The following RAD54L2 variants were observed in gnomAD, a reference collection of about 807,000 sequenced individuals.
The protein encoded by RAD54L2 is RAD54 like 2.
A neutral mutation model predicts 138.4 loss-of-function variants in RAD54L2; 27 were observed. The observed-to-expected ratio is 0.20, with a 90% CI of 0.14 to 0.27. The LOEUF is 0.27. Ranked by LOEUF, RAD54L2 falls within the 10% of genes least tolerant of loss-of-function variation. The probability of loss-of-function intolerance (pLI) is 1.00; values close to 1 mark genes in which losing one functional copy is unlikely to be tolerated. For synonymous variants in RAD54L2, 644 were observed against 723.2 expected (o/e 0.89, Z 1.76); for missense variants, 1,396 against 1,890.2 (o/e 0.74, Z 4.85).
At chr3:51,548,811 A>G (rs1341243941) in intron 2 of RAD54L2, among the ~76,000 whole-genome samples, 2 of 147,734 alleles carry the variant, frequency 1.4e-5, no homozygotes, top group South Asian at 2.1e-4. Context: ...ATAGCAGCCC[A>G]GTAACTCTGC....
intron 2 of RAD54L2, among the ~76,000 whole-genome samples, chr3:51,544,606 CTTGA>C (rs1400030893): frequency 6.6e-6 from 1 of 152,026 alleles, no homozygotes; most frequent in African/African-American, 2.4e-5. Flanking sequence ...TGGGTAATGA[CTTGA>C]TTGATTGATT....
intron 3 of RAD54L2, among the ~76,000 whole-genome samples, chr3:51,594,839 G>A (rs1033617083): frequency 5.0e-5 from 7 of 139,780 alleles, no homozygotes; most frequent in African/African-American, 1.3e-4. Flanking sequence ...TGTTTTATAG[G>A]CAACATGGAA....
At chr3:51,574,659 T>A (rs1699422955) in intron 2 of RAD54L2, among the ~76,000 whole-genome samples, 1 of 152,268 alleles carries the variant, frequency 6.6e-6, no homozygotes, top group Non-Finnish European at 1.5e-5. Context: ...GAGAAGTATC[T>A]GTTCATATCC....
chr3:51,644,022 T>TG, intron 16 of RAD54L2, 48 bp downstream of exon 16: 2 of 1,455,126 alleles, frequency 1.4e-6, no homozygotes, highest in Non-Finnish European at 1.9e-6. Flanking sequence ...TTCAGGCAGT[T>TG]GGCCACCTGG....
At chr3:51,652,098 A>G (rs909733363) in intron 19 of RAD54L2, among the ~76,000 whole-genome samples, 8 of 152,246 alleles carry the variant, frequency 5.3e-5, no homozygotes, top group African/African-American at 1.9e-4. Flanking sequence ...GTCTCAGGGT[A>G]CAATATCAGT....
intron 3 of RAD54L2, among the ~76,000 whole-genome samples, chr3:51,616,283 AC>A (rs1197876199): frequency 6.6e-6 from 1 of 152,028 alleles, no homozygotes; most frequent in Non-Finnish European, 1.5e-5. Context: ...TCTCTTCCCT[AC>A]CCTTCCAACT....
chr3:51,557,180 CTTTTTT>C (rs58428110), intron 2 of RAD54L2, among the ~76,000 whole-genome samples: 7 of 113,342 alleles, frequency 6.2e-5, no homozygotes, highest in Admixed American at 2.1e-4. Context: ...TTGTTGTTGG[CTTTTTT>C]TTTTTTTTTT....
At chr3:51,644,920 C>A in intron 16 of RAD54L2, 104 bp from the exon 17 acceptor site, 2 of 1,147,340 alleles carry the variant, frequency 1.7e-6, no homozygotes, top group South Asian at 1.3e-5. Context: ...GTACTTAGGG[C>A]TTAGGACAGA....
intron 2 of RAD54L2, among the ~76,000 whole-genome samples, chr3:51,564,608 A>G (rs538287861): frequency 1.6e-4 from 25 of 152,268 alleles, no homozygotes; most frequent in African/African-American, 3.1e-4. Context: ...TGGCTTAACT[A>G]TATAGCCTGT....
chr3:51,629,225 C>A, intron 4 of RAD54L2, 109 bp from the exon 5 acceptor site: 1 of 1,261,952 alleles, frequency 7.9e-7, no homozygotes, highest in Non-Finnish European at 1.1e-6. Flanking sequence ...GCTTCTCCTT[C>A]TCCCGCCTCG....
chr3:51,633,430 G>A (rs557149277), intron 7 of RAD54L2, 147 bp from the exon 8 acceptor site: 16 of 756,708 alleles, frequency 2.1e-5, no homozygotes, highest in Non-Finnish European at 3.2e-5. Flanking sequence ...ATCAGTCAAG[G>A]TACAGGGAAT....
chr3:51,554,906 G>A (rs1171452092), intron 2 of RAD54L2, among the ~76,000 whole-genome samples: 1 of 151,768 alleles, frequency 6.6e-6, no homozygotes, highest in Non-Finnish European at 1.5e-5. Context: ...GCAGTGGTGC[G>A]ACCTCTGCTT....
intron 2 of RAD54L2, among the ~76,000 whole-genome samples, chr3:51,543,471 A>G (rs1478316085): frequency 6.6e-6 from 1 of 152,070 alleles, no homozygotes; most frequent in African/African-American, 2.4e-5. Context: ...AGCCAGGCAT[A>G]GTGGCGCATG....
chr3:51,639,157 CT>C (rs1243135226), intron 12 of RAD54L2: 11 of 484,248 alleles, frequency 2.3e-5, no homozygotes, highest in Admixed American at 7.3e-5. Flanking sequence ...CTTGTGACAG[CT>C]TTTTTGATTA....
At chr3:51,640,439 G>T (rs943111067) in intron 14 of RAD54L2, among the ~76,000 whole-genome samples, 1 of 152,176 alleles carries the variant, frequency 6.6e-6, no homozygotes, top group Non-Finnish European at 1.5e-5. Context: ...TGTCTTTAAA[G>T]CCAAATAAGT....
rs548324671 is a variant in RAD54L2, at chr3:51,635,636, G to A, written c.1186G>A (p.Glu396Lys). 6 of 1,613,574 alleles carry A rather than the reference G, an allele frequency of 3.7e-6. No homozygotes were observed. In the Admixed American group the frequency reaches 6.7e-5, roughly 18 times the overall value. ...RAKVMADWVS[E>K]GGVLLMGYEM... The stretch of plus-strand genomic sequence containing the variant: ...TAAAGTGATGGCTGATTGGGTGTCA[G>A]AGGGTGGCGTGCTGCTGATGGGGTA... The change falls in exon 10 of 23, where the codon GAG (glutamate) becomes AAG (lysine). Residue 396 changes from glutamate to lysine, a missense_variant. Physicochemically the swap from Glu to Lys is moderately conservative, Grantham distance 56. This residue lies in a region of RAD54L2 where 169 missense variants were observed against 235.6 expected (regional missense o/e 0.72). Transcript: ENST00000684192.
rs1460196525 is a variant in RAD54L2 at position 51,645,003 on chromosome 3, T to C, written c.2451-21T>C. On this transcript the variant is annotated intron_variant, in intron 16 of 22. Transcript: ENST00000684192. This position sits in a 1 kb window ranked among gnomAD's most constrained non-coding sequence, Gnocchi z 6.1. The stretch of plus-strand genomic sequence containing the variant: ...TTTTTTAAGACTAAAGGCTCTGTGA[T>C]TGTTGGCTTGTCTTTTAAAGGGCCG... The C allele has an allele frequency of 6.2e-7, 1 of 1,612,330 alleles. No individual in the cohort carries two copies. Among genetic ancestry groups the C allele is most frequent in the African/African-American group, 1.3e-5 (1 of 75,002 alleles).
At chr3:51,652,169 A>G (rs1451435742) in intron 19 of RAD54L2, among the ~76,000 whole-genome samples, 1 of 152,200 alleles carries the variant, frequency 6.6e-6, no homozygotes, top group African/African-American at 2.4e-5. Flanking sequence ...ATCATGAGTG[A>G]ACTCCCATTC....
intron 3 of RAD54L2, among the ~76,000 whole-genome samples, chr3:51,609,920 G>C (rs1020527582): frequency 1.3e-5 from 2 of 151,968 alleles, no homozygotes; most frequent in Admixed American, 6.6e-5. Context: ...GTGTGTTATG[G>C]AAAGATTTGT....
Sources: gnomAD v4.1 joint callset for allele counts (sites outside exome capture counted in the v4.1 genomes callset) on GRCh38, gnomAD v4.1.1 for gene constraint, gnomAD v4.1.1 regional missense constraint, Gnocchi (gnomAD v3.1) non-coding constraint, MANE v1.5 for transcripts, NCBI Gene and HGNC (gene_info 2026-07-23, HGNC 2026-07-21) for gene names.